Variants in EFCAB13 observed in about 807,000 individuals in gnomAD.
EFCAB13 encodes the protein EF-hand calcium binding domain 13.
A neutral mutation model predicts 110.2 loss-of-function variants in EFCAB13; 91 were observed. The ratio of observed to expected loss-of-function variants is 0.83; its 90% CI spans 0.70 to 0.98. EFCAB13 has a LOEUF of 0.98. EFCAB13 is among the 50% of genes least tolerant of loss of function. The probability of loss-of-function intolerance (pLI) is 0.00; values close to 1 mark genes in which losing one functional copy is unlikely to be tolerated. For missense variants in EFCAB13, 968 were observed against 1,119.4 expected, an observed-to-expected ratio of 0.86 and a Z score of 1.93; for synonymous variants, 323 against 369.9, an observed-to-expected ratio of 0.87 and a Z score of 1.45.
intron 24 of EFCAB13, among the ~76,000 whole-genome samples, chr17:47,433,976 GATT>G (rs1264490513): frequency 3.3e-5 from 5 of 151,094 alleles, no homozygotes; most frequent in African/African-American, 1.2e-4. Flanking sequence ...ATTTTATTGT[GATT>G]ATTGTTTATT....
chr17:47,388,792 A>G (rs1384144345), intron 14 of EFCAB13, among the ~76,000 whole-genome samples: 1 of 152,168 alleles, frequency 6.6e-6, no homozygotes, highest in Non-Finnish European at 1.5e-5. Flanking sequence ...ATTTTAGTCT[A>G]TATGGTGAAT....
In EFCAB13 at chr17:47,414,937, G is replaced by T; in HGVS notation, c.2494+18G>T. 6.6e-7 allele frequency: 1 copy of T among 1,508,520 alleles called. No individual in the cohort carries two copies. Among genetic ancestry groups the T allele is most frequent in the Non-Finnish European group, 9.1e-7 (1 of 1,097,092 alleles). 93.4% of individuals were successfully genotyped at this position (1,508,520 alleles called of 1,614,324 possible). ...GTCCAAGGGTAAGTGAATACTTCTTGTTCAAGAGAATGGCTAGAAAATAAA... is the reference window on the plus strand; with the variant it reads ...GTCCAAGGGTAAGTGAATACTTCTTTTTCAAGAGAATGGCTAGAAAATAAA... On this transcript the variant is annotated intron_variant, in intron 23 of 24. Transcript: ENST00000331493.
At chr17:47,377,236 A>G (rs956494117) in intron 12 of EFCAB13, among the ~76,000 whole-genome samples, 2 of 152,168 alleles carry the variant, frequency 1.3e-5, no homozygotes, top group African/African-American at 4.8e-5. Flanking sequence ...ATCTCAGTGC[A>G]CTGCGACCTC....
chr17:47,364,513 A>G lies in EFCAB13; in HGVS notation c.805+2992A>G, dbSNP rs143815898. 8.6e-3 allele frequency among the ~76,000 whole-genome samples: 1,308 copies of G among 152,190 alleles called. 12 individuals are homozygous for G. The highest frequency in any genetic ancestry group is 0.027 in the African/African-American group (1,115 of 41,532). ...TTTTTAGTAGAGACAGGGTTTCACC[A>G]TGTTGGCCAGGATGGTCTCGATCTC... On this transcript the variant is annotated intron_variant, in intron 10 of 24. Coordinates refer to ENST00000331493, the MANE Select transcript of EFCAB13 (RefSeq NM_152347.5).
At chr17:47,400,171 C>T (rs751569401) in intron 17 of EFCAB13, among the ~76,000 whole-genome samples, 4 of 152,286 alleles carry the variant, frequency 2.6e-5, no homozygotes, top group Admixed American at 2.0e-4. Context: ...GTTTTCTTTT[C>T]GGCTTGGCAG....
intron 10 of EFCAB13, among the ~76,000 whole-genome samples, chr17:47,364,120 G>A (rs11869248): frequency 0.088 from 13,366 of 152,124 alleles, 848 homozygotes; most frequent in East Asian, 0.35. Flanking sequence ...AATTGTTATA[G>A]GAATTAAATA....
chr17:47,353,721 A>G (rs1447747174), intron 9 of EFCAB13, among the ~76,000 whole-genome samples: 2 of 152,254 alleles, frequency 1.3e-5, no homozygotes. Flanking sequence ...AAACATTAAT[A>G]TGCCTATATA....
intron 5 of EFCAB13, chr17:47,339,733 TAAG>T (rs1477641475): frequency 6.8e-6 from 1 of 146,634 alleles, no homozygotes; most frequent in Non-Finnish European, 1.5e-5. Flanking sequence ...GACAGTCCAA[TAAG>T]AAGAGGAAAA....
chr17:47,409,802 T>C, intron 21 of EFCAB13, 111 bp downstream of exon 21: 1 of 841,362 alleles, frequency 1.2e-6, no homozygotes, highest in Non-Finnish European at 2.0e-6. Context: ...TCAGCCAGAT[T>C]ACTATTTTTC....
intron 24 of EFCAB13, among the ~76,000 whole-genome samples, chr17:47,437,725 A>G (rs1905239303): frequency 6.6e-6 from 1 of 152,178 alleles, no homozygotes; most frequent in Non-Finnish European, 1.5e-5. Flanking sequence ...GCAGTTCTGT[A>G]TCTTTTAAGT....
At chr17:47,362,457 C>G (rs948294051) in intron 10 of EFCAB13, among the ~76,000 whole-genome samples, 1 of 152,124 alleles carries the variant, frequency 6.6e-6, no homozygotes, top group African/African-American at 2.4e-5. Context: ...GCGTCAGTGT[C>G]AAGGAAAAAC....
intron 24 of EFCAB13, among the ~76,000 whole-genome samples, chr17:47,436,718 C>A (rs1905222020): frequency 6.6e-6 from 1 of 151,164 alleles, no homozygotes; most frequent in African/African-American, 2.4e-5. Context: ...TTTTAAAGAA[C>A]CAGCTTTTTG....
intron 7 of EFCAB13, among the ~76,000 whole-genome samples, chr17:47,344,744 G>T (rs1032154881): frequency 1.3e-5 from 2 of 152,058 alleles, no homozygotes; most frequent in South Asian, 4.1e-4. Context: ...CTGTGACTTG[G>T]ATTAAGAATA....
chr17:47,411,664 A>G (rs919191512), intron 21 of EFCAB13, among the ~76,000 whole-genome samples: 3 of 152,192 alleles, frequency 2.0e-5, no homozygotes, highest in Admixed American at 2.0e-4. Flanking sequence ...GTCTAAGATG[A>G]TATTATGGTG....
intron 23 of EFCAB13, among the ~76,000 whole-genome samples, chr17:47,419,229 C>T (rs1272197875): frequency 6.6e-6 from 1 of 152,028 alleles, no homozygotes; most frequent in Non-Finnish European, 1.5e-5. Flanking sequence ...GGCTGAAAAC[C>T]AACTACAAAG....
intron 23 of EFCAB13, among the ~76,000 whole-genome samples, chr17:47,418,111 T>C (rs1904513770): frequency 6.6e-6 from 1 of 152,054 alleles, no homozygotes; most frequent in Non-Finnish European, 1.5e-5. Context: ...AGAATTCTGG[T>C]TTTCTAAATC....
At chr17:47,379,774 T>C (rs2065636608) in intron 14 of EFCAB13, among the ~76,000 whole-genome samples, 1 of 152,048 alleles carries the variant, frequency 6.6e-6, no homozygotes, top group Non-Finnish European at 1.5e-5. Flanking sequence ...TTAAATATTT[T>C]TTAGCAAGAT....
intron 11 of EFCAB13, among the ~76,000 whole-genome samples, chr17:47,371,620 T>C (rs1313962758): frequency 6.6e-6 from 1 of 152,132 alleles, no homozygotes; most frequent in African/African-American, 2.4e-5. Context: ...GCTCTCTGTG[T>C]CCATTTTTTT....
intron 4 of EFCAB13, chr17:47,330,040 C>T (rs1324245708): frequency 6.6e-6 from 1 of 152,134 alleles, no homozygotes; most frequent in Admixed American, 6.5e-5. Flanking sequence ...GTGTAATCTT[C>T]ATGGTCACCT....
Sources: gnomAD v4.1 joint callset for allele counts (sites outside exome capture counted in the v4.1 genomes callset) on GRCh38, gnomAD v4.1.1 for gene constraint, MANE v1.5 for transcripts, NCBI Gene and HGNC (gene_info 2026-07-23, HGNC 2026-07-21) for gene names.